The following IFT70A variants were observed in gnomAD, a reference collection of about 807,000 sequenced individuals.
IFT70A encodes the protein intraflagellar transport protein 70A.
At chr2:177,618,639 G>A in the IFT70A span, 505 of 1,609,504 alleles carry the variant, frequency 3.1e-4, 1 homozygote, top group African/African-American at 5.5e-3. Flanking sequence ...CATCGCGGAT[G>A]AGCCGGTACA....
At chr2:177,616,525 C>G in the IFT70A span, 1 of 485,978 alleles carries the variant, frequency 2.1e-6, no homozygotes, top group African/African-American at 2.0e-5. Flanking sequence ...ATGCAGCTTA[C>G]ACTGCATAGT....
the IFT70A span, chr2:177,613,829 T>C: frequency 6.6e-6 from 1 of 152,214 alleles, no homozygotes; most frequent in African/African-American, 2.4e-5. Flanking sequence ...TTGATATTGA[T>C]GTGTTTTATT....
the IFT70A span, chr2:177,617,775 T>C: frequency 6.8e-6 from 11 of 1,614,056 alleles, no homozygotes; most frequent in African/African-American, 1.2e-4. Flanking sequence ...GCAAAAACTG[T>C]AGCTTTTCAA....
chr2:177,618,676 A>G, the IFT70A span: 1 of 1,594,436 alleles, frequency 6.3e-7, no homozygotes, highest in Non-Finnish European at 8.5e-7. Flanking sequence ...CCCGTCGGGG[A>G]TCTGCGCGCC....
chr2:177,615,453 G>A, the IFT70A span: 10 of 152,120 alleles, frequency 6.6e-5, no homozygotes, highest in Admixed American at 6.5e-4. Context: ...AACCATAACA[G>A]AGACTGGGGA....
chr2:177,614,647 C>T, the IFT70A span: 1 of 152,156 alleles, frequency 6.6e-6, no homozygotes, highest in African/African-American at 2.4e-5. Context: ...GGTTGTTATG[C>T]ATCTTTTATA....
the IFT70A span, chr2:177,617,677 A>G: frequency 1.2e-6 from 2 of 1,614,212 alleles, no homozygotes; most frequent in Non-Finnish European, 1.7e-6. Flanking sequence ...TTCTGCCAGG[A>G]CATCTGCTGC....
chr2:177,614,551 T>C, the IFT70A span: 1 of 152,182 alleles, frequency 6.6e-6, no homozygotes, highest in Non-Finnish European at 1.5e-5. Flanking sequence ...ATATGTTATC[T>C]TGTTTTGCAA....
the IFT70A span, chr2:177,616,409 G>A: frequency 4.4e-6 from 1 of 225,600 alleles, no homozygotes; most frequent in Non-Finnish European, 8.5e-6. Context: ...AAGCTGAAAC[G>A]TCAACTCTAT....
the IFT70A span, chr2:177,614,250 G>A: frequency 6.6e-6 from 1 of 152,042 alleles, no homozygotes; most frequent in Non-Finnish European, 1.5e-5. Flanking sequence ...CTAATGTCTG[G>A]CCCTATTTTT....
At chr2:177,616,593 G>T in the IFT70A span, 2 of 1,028,676 alleles carry the variant, frequency 1.9e-6, no homozygotes, top group African/African-American at 1.7e-5. Context: ...TTCTTACAAA[G>T]TGGATAAGAT....
the IFT70A span, chr2:177,618,151 G>A: frequency 8.1e-6 from 13 of 1,614,240 alleles, no homozygotes; most frequent in African/African-American, 8.0e-5. Flanking sequence ...CTGGTAGCCC[G>A]AGGCCTGCAG....
chr2:177,613,409 T>A, the IFT70A span: 3 of 152,354 alleles, frequency 2.0e-5, no homozygotes, highest in South Asian at 6.2e-4. Context: ...GGTGTGACCA[T>A]CTCTTCCTAT....
At chr2:177,618,641 G>A in the IFT70A span, 4 of 1,609,148 alleles carry the variant, frequency 2.5e-6, no homozygotes, top group Admixed American at 3.4e-5. Flanking sequence ...TCGCGGATGA[G>A]CCGGTACACT....
chr2:177,618,045 G>T, the IFT70A span: 2 of 1,614,212 alleles, frequency 1.2e-6, no homozygotes, highest in Non-Finnish European at 1.7e-6. Context: ...GATGCTGGCG[G>T]ATGCCACGCT....
At chr2:177,614,941 C>T in the IFT70A span, 1 of 152,106 alleles carries the variant, frequency 6.6e-6, no homozygotes, top group African/African-American at 2.4e-5. Context: ...GCCTCTTCTC[C>T]TTGTATTAAA....
chr2:177,615,535 T>G, the IFT70A span: 1 of 152,198 alleles, frequency 6.6e-6, no homozygotes, highest in Non-Finnish European at 1.5e-5. Flanking sequence ...TCCAAATTTC[T>G]TATTAATAAT....
At chr2:177,615,756 T>C in the IFT70A span, 7 of 152,144 alleles carry the variant, frequency 4.6e-5, no homozygotes, top group Non-Finnish European at 1.0e-4. Flanking sequence ...TAAAGGCTTC[T>C]GATAGTTCAA....
At chr2:177,616,536 C>T in the IFT70A span, 1 of 570,006 alleles carries the variant, frequency 1.8e-6, no homozygotes, top group Non-Finnish European at 2.9e-6. Flanking sequence ...ACTGCATAGT[C>T]CCTACCCTTC....
Sources: allele counts gnomAD v4.1 joint callset, GRCh38; gene constraint gnomAD v4.1.1; transcripts MANE v1.5; gene names NCBI Gene and HGNC (gene_info 2026-07-23, HGNC 2026-07-21).